UNC5C: variants seen among roughly 807,000 people sequenced by gnomAD.
UNC5C encodes netrin receptor UNC5C.
UNC5C carries 47 observed loss-of-function variants against 99.8 expected under a neutral mutation model. The ratio of observed to expected loss-of-function variants is 0.47; its 90% CI spans 0.37 to 0.60. UNC5C has a LOEUF of 0.60. UNC5C is among the 20% of genes least tolerant of loss of function. The probability of loss-of-function intolerance (pLI) is 0.00; values close to 1 mark genes in which losing one functional copy is unlikely to be tolerated. For missense variants in UNC5C, 1,062 were observed against 1,165.9 expected (o/e 0.91, Z 1.30); for synonymous variants, 487 against 452.2 (o/e 1.08, Z -0.98).
At chr4:95,540,633 A>G (rs1397677686) in intron 1 of UNC5C, among the ~76,000 whole-genome samples, 2 of 152,208 alleles carry the variant, frequency 1.3e-5, no homozygotes, top group Admixed American at 6.5e-5. Context: ...TGCTTGCTAA[A>G]CTTGAGCACT....
At position 95,165,892 on chromosome 4, in the gene UNC5C, A is replaced by T. The variant is rs1381363580; in HGVS notation, c.*3342T>A. The T allele has an allele frequency of 3.3e-5, 5 of 152,206 alleles. No homozygotes were observed. The highest frequency in any genetic ancestry group is 6.5e-5 in the Admixed American group (1 of 15,284). 9.4% of individuals were successfully genotyped at this position (152,206 alleles called of 1,614,324 possible). A position where few individuals can be genotyped will look rare whatever the true frequency, so the allele number is the denominator to read the frequency against. ...GTTCTGTTACAAGAAGCAACTGAAGATATGTTGTGTATGAATGAGTTGATG... is the reference window on the plus strand; with the variant it reads ...GTTCTGTTACAAGAAGCAACTGAAGTTATGTTGTGTATGAATGAGTTGATG... On this transcript the variant is annotated 3_prime_UTR_variant, in exon 16 of 16. Transcript: ENST00000453304.
chr4:95,473,143 C>T (rs1748025275), intron 1 of UNC5C, among the ~76,000 whole-genome samples: 1 of 152,122 alleles, frequency 6.6e-6, no homozygotes, highest in Admixed American at 6.6e-5. Context: ...TTCATGCCAA[C>T]TCTTCTTTTG....
At chr4:95,399,923 A>G (rs1745637983) in intron 1 of UNC5C, among the ~76,000 whole-genome samples, 1 of 152,192 alleles carries the variant, frequency 6.6e-6, no homozygotes, top group African/African-American at 2.4e-5. Context: ...CTTTACAGCT[A>G]TAGGGACTGC....
intron 2 of UNC5C, among the ~76,000 whole-genome samples, chr4:95,326,757 T>A (rs1198078481): frequency 6.6e-6 from 1 of 152,216 alleles, no homozygotes; most frequent in African/African-American, 2.4e-5. Flanking sequence ...ATTTGCTTCC[T>A]ATTTAATGAT....
chr4:95,465,902 C>A (rs1268079817), intron 1 of UNC5C, among the ~76,000 whole-genome samples: 4 of 152,132 alleles, frequency 2.6e-5, no homozygotes, highest in African/African-American at 9.7e-5. Context: ...ATATTCAGAG[C>A]TTTTCTTTGC....
At chr4:95,263,818 A>ATAAC (rs1740334837) in intron 4 of UNC5C, among the ~76,000 whole-genome samples, 1 of 152,216 alleles carries the variant, frequency 6.6e-6, no homozygotes, top group Non-Finnish European at 1.5e-5. Flanking sequence ...TGACTTCTGT[A>ATAAC]TAACTCTGAG....
chr4:95,323,650 C>A (rs1329506599), intron 2 of UNC5C, among the ~76,000 whole-genome samples: 1 of 152,174 alleles, frequency 6.6e-6, no homozygotes, highest in Non-Finnish European at 1.5e-5. Context: ...AATGTGTGAG[C>A]AGCATTTCCT....
Position 95,532,573 on chromosome 4 carries a change from A to G in UNC5C, c.124+16161T>C, listed in dbSNP as rs1309985283. 2.0e-5 allele frequency among the ~76,000 whole-genome samples: 3 copies of G among 152,172 alleles called. No individual in the cohort carries two copies. In the East Asian group the frequency reaches 5.8e-4, roughly 29 times the overall value. On this transcript the variant is annotated intron_variant, in intron 1 of 15. Coordinates refer to ENST00000453304, the MANE Select transcript of UNC5C (RefSeq NM_003728.4). ...TCATGCTGGCCTACCAACTGGGGAC[A>G]CAGGGAAAAGAAGAGTGCTCCTGTG...
At chr4:95,380,279 G>A (rs1745031851) in intron 1 of UNC5C, among the ~76,000 whole-genome samples, 1 of 151,976 alleles carries the variant, frequency 6.6e-6, no homozygotes, top group African/African-American at 2.4e-5. Flanking sequence ...ATATAGAACA[G>A]TTCAATTTAT....
intron 1 of UNC5C, among the ~76,000 whole-genome samples, chr4:95,381,568 AT>A (rs777599859): frequency 1.3e-4 from 20 of 152,236 alleles, no homozygotes; most frequent in Non-Finnish European, 2.8e-4. Flanking sequence ...CTTGAGTGGT[AT>A]TAAATTTAAC....
intron 1 of UNC5C, among the ~76,000 whole-genome samples, chr4:95,355,817 A>G (rs1744162684): frequency 1.3e-5 from 2 of 152,114 alleles, no homozygotes; most frequent in African/African-American, 2.4e-5. Flanking sequence ...GTTTCCCCCA[A>G]TTTTTAAAAA....
chr4:95,370,772 G>T (rs1410471686), intron 1 of UNC5C, among the ~76,000 whole-genome samples: 1 of 152,156 alleles, frequency 6.6e-6, no homozygotes, highest in Non-Finnish European at 1.5e-5. Context: ...ATCACAGTAA[G>T]ACAACAGCAT....
chr4:95,461,031 T>C (rs1468460274), intron 1 of UNC5C, among the ~76,000 whole-genome samples: 1 of 152,234 alleles, frequency 6.6e-6, no homozygotes, highest in Non-Finnish European at 1.5e-5. Flanking sequence ...TATTTTGGCA[T>C]ATTAAATTCT....
intron 10 of UNC5C, among the ~76,000 whole-genome samples, chr4:95,213,287 G>A (rs1738136897): frequency 6.6e-6 from 1 of 152,206 alleles, no homozygotes; most frequent in Non-Finnish European, 1.5e-5. Context: ...TTTCAGTCTA[G>A]GTCGGGTTCA....
At chr4:95,395,508 A>C (rs1745485381) in intron 1 of UNC5C, among the ~76,000 whole-genome samples, 1 of 152,180 alleles carries the variant, frequency 6.6e-6, no homozygotes, top group South Asian at 2.1e-4. Context: ...CCAGACACTA[A>C]GGGTATAGCT....
intron 1 of UNC5C, among the ~76,000 whole-genome samples, chr4:95,473,129 G>A (rs1024115609): frequency 6.6e-6 from 1 of 152,038 alleles, no homozygotes; most frequent in African/African-American, 2.4e-5. Flanking sequence ...TCACCCAAGG[G>A]TAATTCATGC....
chr4:95,269,298 T>TTG (rs1740569709), intron 4 of UNC5C, among the ~76,000 whole-genome samples: 2 of 152,152 alleles, frequency 1.3e-5, no homozygotes. Context: ...GTTTGTTTGT[T>TTG]TGTTTTCTGA....
At chr4:95,208,994 AT>A (rs1737978618) in intron 10 of UNC5C, among the ~76,000 whole-genome samples, 1 of 152,134 alleles carries the variant, frequency 6.6e-6, no homozygotes, top group African/African-American at 2.4e-5. Flanking sequence ...ATGTTTATGC[AT>A]GGATGTTTGT....
At chr4:95,336,904 A>G (rs1743370344) in intron 1 of UNC5C, among the ~76,000 whole-genome samples, 2 of 152,078 alleles carry the variant, frequency 1.3e-5, no homozygotes, top group South Asian at 4.1e-4. Context: ...ATCAAGGACC[A>G]AAATTGTCAG....
Sources: allele counts gnomAD v4.1 joint callset (sites outside exome capture counted in the v4.1 genomes callset), GRCh38; gene constraint gnomAD v4.1.1; transcripts MANE v1.5; gene names NCBI Gene and HGNC (gene_info 2026-07-23, HGNC 2026-07-21).